Variants in HS3ST4 observed in about 807,000 individuals in gnomAD.
HS3ST4 encodes heparan sulfate glucosamine 3-O-sulfotransferase 4.
Under a neutral mutation model 29.2 loss-of-function variants are expected in HS3ST4, and 17 were observed. The ratio of observed to expected loss-of-function variants is 0.58; its 90% CI spans 0.40 to 0.87. The LOEUF is 0.87. Ranked by LOEUF, HS3ST4 falls within the 40% of genes least tolerant of loss-of-function variation. The pLI is 0.00. For missense variants in HS3ST4, 627 were observed against 634.5 expected, an observed-to-expected ratio of 0.99 and a Z score of 0.13; for synonymous variants, 314 against 285.7, an observed-to-expected ratio of 1.10 and a Z score of -1.00.
At chr16:25,756,142 A>G (rs1310500235) in intron 1 of HS3ST4, among the ~76,000 whole-genome samples, 1 of 91,590 alleles carries the variant, frequency 1.1e-5, no homozygotes, top group Non-Finnish European at 2.3e-5. Flanking sequence ...ACACACACAC[A>G]CACACACACA....
chr16:25,829,882 G>A (rs1967275752), intron 1 of HS3ST4, among the ~76,000 whole-genome samples: 1 of 152,078 alleles, frequency 6.6e-6, no homozygotes, highest in Non-Finnish European at 1.5e-5. Context: ...GGAGTGCAGT[G>A]GTGCAATCTC....
intron 1 of HS3ST4, among the ~76,000 whole-genome samples, chr16:25,857,899 T>TCTTC (rs370477899): frequency 0.024 from 2,195 of 93,230 alleles, 149 homozygotes; most frequent in Middle Eastern, 0.034. Flanking sequence ...TCTTTTTCTT[T>TCTTC]CTTCCTTCCT....
intron 1 of HS3ST4, among the ~76,000 whole-genome samples, chr16:25,717,541 G>GTA (rs1567226068): frequency 1.3e-5 from 2 of 150,002 alleles, no homozygotes; most frequent in Non-Finnish European, 1.5e-5. Context: ...GTGTGTGTGT[G>GTA]TGTGTGTGTG....
intron 1 of HS3ST4, among the ~76,000 whole-genome samples, chr16:25,904,695 A>G (rs538979861): frequency 6.6e-6 from 1 of 152,270 alleles, no homozygotes; most frequent in South Asian, 2.1e-4. Context: ...GATTTTAATA[A>G]TACCTAATTC....
intron 1 of HS3ST4, among the ~76,000 whole-genome samples, chr16:25,867,444 G>A (rs28449885): frequency 0.012 from 1,836 of 152,280 alleles, 28 homozygotes; most frequent in African/African-American, 0.042. Flanking sequence ...TGTCCCTAGA[G>A]TGGTCCATGT....
chr16:25,776,171 C>T (rs74892275), intron 1 of HS3ST4, among the ~76,000 whole-genome samples: 3,461 of 152,124 alleles, frequency 0.023, 142 homozygotes, highest in African/African-American at 0.08. Flanking sequence ...GAACATGAGG[C>T]GGGTGACACA....
chr16:25,725,924 T>C (rs539714039), intron 1 of HS3ST4, among the ~76,000 whole-genome samples: 1 of 152,312 alleles, frequency 6.6e-6, no homozygotes, highest in South Asian at 2.1e-4. Context: ...AACAGTGGCT[T>C]TCAATTTTTC....
chr16:26,063,413 A>G (rs1303537264), intron 1 of HS3ST4, among the ~76,000 whole-genome samples: 1 of 151,858 alleles, frequency 6.6e-6, no homozygotes, highest in African/African-American at 2.4e-5. Context: ...GAGTCTGGGC[A>G]TGGTAGTTTA....
intron 1 of HS3ST4, among the ~76,000 whole-genome samples, chr16:25,859,751 G>A (rs1435080900): frequency 6.6e-6 from 1 of 152,116 alleles, no homozygotes; most frequent in Non-Finnish European, 1.5e-5. Context: ...CCAATAAGTG[G>A]ATGGAACAGA....
intron 1 of HS3ST4, among the ~76,000 whole-genome samples, chr16:25,713,581 A>G (rs1307111217): frequency 1.3e-5 from 2 of 152,150 alleles, no homozygotes; most frequent in Non-Finnish European, 1.5e-5. Context: ...CCTTAGCTCA[A>G]CACAAAAGGC....
At chr16:25,787,553 T>TA (rs1263481282) in intron 1 of HS3ST4, among the ~76,000 whole-genome samples, 2 of 152,198 alleles carry the variant, frequency 1.3e-5, no homozygotes, top group African/African-American at 4.8e-5. Context: ...AAAATAGGGA[T>TA]ATGCTGCTGC....
chr16:25,905,912 A>T (rs953268685), intron 1 of HS3ST4, among the ~76,000 whole-genome samples: 1 of 152,186 alleles, frequency 6.6e-6, no homozygotes, highest in African/African-American at 2.4e-5. Flanking sequence ...CCAAAGCCAT[A>T]GCTGAGTGTT....
At chr16:26,122,757 A>T (rs1899292572) in intron 1 of HS3ST4, among the ~76,000 whole-genome samples, 2 of 152,128 alleles carry the variant, frequency 1.3e-5, no homozygotes, top group Admixed American at 1.3e-4. Flanking sequence ...AGTCATGTAG[A>T]TTAAGAATTT....
At chr16:26,123,362 T>A (rs1899301644) in intron 1 of HS3ST4, among the ~76,000 whole-genome samples, 1 of 152,190 alleles carries the variant, frequency 6.6e-6, no homozygotes, top group African/African-American at 2.4e-5. Context: ...TCTGTCAAGA[T>A]GACGATGCAC....
At chr16:26,071,225 C>T (rs890584097) in intron 1 of HS3ST4, among the ~76,000 whole-genome samples, 11 of 152,084 alleles carry the variant, frequency 7.2e-5, no homozygotes, top group Non-Finnish European at 1.0e-4. Flanking sequence ...TAAAACAGAA[C>T]CCACTATGAA....
chr16:25,798,547 AT>A (rs1966903197), intron 1 of HS3ST4, among the ~76,000 whole-genome samples: 1 of 152,144 alleles, frequency 6.6e-6, no homozygotes, highest in African/African-American at 2.4e-5. Flanking sequence ...TTTCATTTTT[AT>A]TTCATTGGCT....
chr16:25,692,211 G>GGGCCATGCGGCCGGGC lies in HS3ST4; in HGVS notation c.-206_-191dup, dbSNP rs1159648134. 6.7e-6 allele frequency: 1 copy of GGGCCATGCGGCCGGGC among 149,906 alleles called. No homozygotes were observed. Among genetic ancestry groups the GGGCCATGCGGCCGGGC allele is most frequent in the African/African-American group, 2.4e-5 (1 of 40,938 alleles). The allele number at this position is 149,906 out of a possible 1,614,324, so 9.3% of individuals were successfully genotyped here. A position where few individuals can be genotyped will look rare whatever the true frequency, so the allele number is the denominator to read the frequency against. ...GACTCGGCGGGCAGCGTGGGGCGGG[G>GGGCCATGCGGCCGGGC]GGCCATGCGGCCGGGCTCCCCCCTG... On this transcript the variant is annotated 5_prime_UTR_variant, in exon 1 of 2. It adds an upstream start codon to the 5' untranslated region. Coordinates refer to ENST00000331351, the MANE Select transcript of HS3ST4 (RefSeq NM_006040.3).
At chr16:25,953,571 A>T (rs1010271373) in intron 1 of HS3ST4, among the ~76,000 whole-genome samples, 1 of 152,040 alleles carries the variant, frequency 6.6e-6, no homozygotes, top group Non-Finnish European at 1.5e-5. Context: ...ACCCCTTTTC[A>T]TTGCTTTCTC....
At chr16:25,733,196 T>C (rs1425309841) in intron 1 of HS3ST4, among the ~76,000 whole-genome samples, 1 of 152,252 alleles carries the variant, frequency 6.6e-6, no homozygotes, top group African/African-American at 2.4e-5. Flanking sequence ...TTTTGTTTTA[T>C]GTGCCAAGAA....
Sources: allele counts gnomAD v4.1 joint callset (sites outside exome capture counted in the v4.1 genomes callset), GRCh38; gene constraint gnomAD v4.1.1; transcripts MANE v1.5; gene names NCBI Gene and HGNC (gene_info 2026-07-23, HGNC 2026-07-21).